The following CCDC149 variants were observed in gnomAD, a reference collection of about 807,000 sequenced individuals.
CCDC149 encodes the protein coiled-coil domain-containing protein 149.
CCDC149 carries 45 observed loss-of-function variants against 59.9 expected under a neutral mutation model. The ratio of observed to expected loss-of-function variants is 0.75; its 90% CI spans 0.59 to 0.96. The LOEUF (loss-of-function observed/expected upper bound fraction) is 0.96. Ranked by LOEUF, CCDC149 falls within the 40% of genes least tolerant of loss-of-function variation. CCDC149 has a pLI of 0.00. For synonymous variants in CCDC149, 245 were observed against 260.6 expected, an observed-to-expected ratio of 0.94 and a Z score of 0.58; for missense variants, 584 against 664.7, an observed-to-expected ratio of 0.88 and a Z score of 1.33.
intron 1 of CCDC149, among the ~76,000 whole-genome samples, chr4:24,970,749 A>T (rs1243596561): frequency 1.3e-5 from 2 of 152,164 alleles, no homozygotes; most frequent in Admixed American, 1.3e-4. Context: ...GGGTGGCCTC[A>T]TGTACCTGGC....
intron 9 of CCDC149, chr4:24,828,603 C>T (rs991054444): frequency 6.6e-6 from 1 of 152,018 alleles, no homozygotes; most frequent in Admixed American, 6.6e-5. Context: ...TATGGTAAAA[C>T]CCTATCTCTA....
At position 24,887,190 on chromosome 4, in the gene CCDC149, T is replaced by C. The variant is rs1720234082; in HGVS notation, c.64-10493A>G. 2.1e-5 allele frequency among the ~76,000 whole-genome samples: 3 copies of C among 145,846 alleles called. No individual in the cohort carries two copies. The South Asian group carries it at 6.6e-4, about 32-fold the overall frequency. ...AGATCAAAAGATCATAATAATTAAA[T>C]GGCTATCTGACATACTACATTACTA... On this transcript the variant is annotated intron_variant, in intron 1 of 12. Coordinates refer to ENST00000635206, the MANE Select transcript of CCDC149 (RefSeq NM_001330643.2).
chr4:24,903,172 C>T (rs1352561251), intron 1 of CCDC149, among the ~76,000 whole-genome samples: 1 of 151,972 alleles, frequency 6.6e-6, no homozygotes, highest in South Asian at 2.1e-4. Flanking sequence ...TCTGCCTTTA[C>T]GTCTAAGAAA....
At chr4:24,931,840 T>TATATATATATATAC (rs745597767) in intron 1 of CCDC149, among the ~76,000 whole-genome samples, 1 of 140,108 alleles carries the variant, frequency 7.1e-6, no homozygotes, top group Non-Finnish European at 1.5e-5. Context: ...TATATATATA[T>TATATATATATATAC]ATATATATAT....
At chr4:24,864,930 T>A (rs1718606114) in intron 3 of CCDC149, among the ~76,000 whole-genome samples, 1 of 152,084 alleles carries the variant, frequency 6.6e-6, no homozygotes, top group Non-Finnish European at 1.5e-5. Context: ...GGAACTTGAG[T>A]ATGTGAGAAT....
intron 9 of CCDC149, chr4:24,831,273 C>T (rs940275599): frequency 9.8e-6 from 5 of 508,922 alleles, no homozygotes; most frequent in African/African-American, 1.9e-5. Flanking sequence ...CAGTGTGTAG[C>T]TCAGAGTAAG....
At chr4:24,894,724 G>C (rs1720740590) in intron 1 of CCDC149, among the ~76,000 whole-genome samples, 1 of 151,510 alleles carries the variant, frequency 6.6e-6, no homozygotes. Flanking sequence ...GTTAGGATGT[G>C]AGATGCCCTT....
upstream of CCDC149, among the ~76,000 whole-genome samples, chr4:24,913,731 G>A (rs1418189930): frequency 6.6e-6 from 1 of 152,124 alleles, no homozygotes; most frequent in East Asian, 1.9e-4. Flanking sequence ...ATCCCTTGAG[G>A]ACAGGAGTTC....
intron 1 of CCDC149, among the ~76,000 whole-genome samples, chr4:24,930,310 AG>A (rs1467526599): frequency 6.6e-6 from 1 of 152,224 alleles, no homozygotes; most frequent in African/African-American, 2.4e-5. Context: ...TGCATCCCTG[AG>A]TCATCACATG....
chr4:24,870,445 T>A (rs928413970), intron 3 of CCDC149, among the ~76,000 whole-genome samples: 2 of 152,180 alleles, frequency 1.3e-5, no homozygotes, highest in African/African-American at 4.8e-5. Flanking sequence ...CCCTGAAGCA[T>A]CCTATCTCGT....
intron 1 of CCDC149, among the ~76,000 whole-genome samples, chr4:24,886,102 G>C (rs1044206497): frequency 6.6e-6 from 1 of 152,226 alleles, no homozygotes; most frequent in East Asian, 1.9e-4. Context: ...AAGGTAGTAA[G>C]TGGCAGAGCC....
intron 12 of CCDC149, among the ~76,000 whole-genome samples, chr4:24,818,946 T>C (rs952151638): frequency 6.6e-6 from 1 of 152,144 alleles, no homozygotes; most frequent in Admixed American, 6.5e-5. Flanking sequence ...GCTGCTACAC[T>C]AGGGGTGGCA....
intron 3 of CCDC149, chr4:24,853,387 T>G: frequency 1.8e-6 from 1 of 548,612 alleles, no homozygotes; most frequent in Middle Eastern, 4.8e-4. Flanking sequence ...GAACCTCAAT[T>G]TGGAGATATT....
intron 2 of CCDC149, among the ~76,000 whole-genome samples, chr4:24,874,981 T>A (rs1184661696): frequency 6.6e-6 from 1 of 152,190 alleles, no homozygotes; most frequent in Non-Finnish European, 1.5e-5. Flanking sequence ...TATGGATATG[T>A]CCACACCGTG....
chr4:24,909,306 T>TGTAGTCCAGATTAGCTGTGCA (rs1721734037), intron 1 of CCDC149, among the ~76,000 whole-genome samples: 1 of 152,068 alleles, frequency 6.6e-6, no homozygotes, highest in Admixed American at 6.6e-5. Flanking sequence ...GAAAATCCCA[T>TGTAGTCCAGATTAGCTGTGCA]GTAGTCCAGA....
intron 3 of CCDC149, among the ~76,000 whole-genome samples, chr4:24,870,217 A>T (rs868084518): frequency 6.6e-6 from 1 of 152,222 alleles, no homozygotes; most frequent in Non-Finnish European, 1.5e-5. Context: ...TACTTAAAAA[A>T]CAATACAATT....
intron 4 of CCDC149, among the ~76,000 whole-genome samples, chr4:24,842,845 C>T (rs1717021062): frequency 6.6e-6 from 1 of 152,178 alleles, no homozygotes; most frequent in Non-Finnish European, 1.5e-5. Flanking sequence ...TTCTCTACCT[C>T]ATCCTATTTT....
chr4:24,920,093 G>C (rs1415371730), intron 1 of CCDC149, among the ~76,000 whole-genome samples: 1 of 152,208 alleles, frequency 6.6e-6, no homozygotes, highest in East Asian at 1.9e-4. Flanking sequence ...GGTATTTGAA[G>C]TTCATGAAGA....
chr4:24,946,065 T>C (rs992890209), intron 1 of CCDC149, among the ~76,000 whole-genome samples: 2 of 152,240 alleles, frequency 1.3e-5, no homozygotes, highest in East Asian at 3.8e-4. Context: ...ATAAGTATTC[T>C]TGAAAAACAT....
Sources: allele counts gnomAD v4.1 joint callset (sites outside exome capture counted in the v4.1 genomes callset), GRCh38; gene constraint gnomAD v4.1.1; transcripts MANE v1.5; gene names NCBI Gene and HGNC (gene_info 2026-07-23, HGNC 2026-07-21).